REXO5: variants seen among roughly 807,000 people sequenced by gnomAD.
REXO5 encodes exonuclease NEF-sp.
In REXO5, 48 loss-of-function variants were observed where a neutral mutation model predicts 88.5. That is an observed-to-expected ratio of 0.54 (90% CI 0.43 to 0.69). The LOEUF is 0.69. Among genes scored for constraint, REXO5 ranks in the 30% least tolerant of loss-of-function variants. The probability of loss-of-function intolerance (pLI) is 0.00; values close to 1 mark genes in which losing one functional copy is unlikely to be tolerated. For synonymous variants in REXO5, 311 were observed against 336.5 expected (o/e 0.92, Z 0.83); for missense variants, 749 against 912.2 (o/e 0.82, Z 2.30).
chr16:20,819,441 TTCC>T (rs1268729324), intron 5 of REXO5, among the ~76,000 whole-genome samples: 2 of 143,500 alleles, frequency 1.4e-5, no homozygotes, highest in Non-Finnish European at 3.0e-5. Context: ...CTTTCTTTCT[TTCC>T]TCCTTTTTTT....
chr16:20,840,186 A>G (rs2081504544), intron 14 of REXO5, 145 bp from the exon 15 acceptor site: 1 of 660,398 alleles, frequency 1.5e-6, no homozygotes, highest in African/African-American at 1.8e-5. Context: ...TGCTATTACA[A>G]ATAATACTTC....
At chr16:20,812,596 C>T (rs1035097618) in intron 2 of REXO5, among the ~76,000 whole-genome samples, 1 of 152,114 alleles carries the variant, frequency 6.6e-6, no homozygotes, top group African/African-American at 2.4e-5. Context: ...ACTCTTGTTG[C>T]CCAGGGGATA....
intron 12 of REXO5, among the ~76,000 whole-genome samples, chr16:20,832,606 A>G (rs2152507929): frequency 6.6e-6 from 1 of 152,242 alleles, no homozygotes; most frequent in Admixed American, 6.5e-5. Context: ...GCCTTGTTGT[A>G]TTGCCCAGAC....
intron 5 of REXO5, among the ~76,000 whole-genome samples, chr16:20,820,527 TATATATATATATATATA>T (rs777702432): frequency 6.0e-3 from 60 of 9,946 alleles, no homozygotes; most frequent in East Asian, 0.017. Context: ...TATATATATA[TATATATATATATATATA>T]TTTTTTTTTT....
rs1295332499 is a variant in REXO5 at position 20,813,310 on chromosome 16, A to G, written c.251+8A>G. The G allele has an allele frequency of 7.3e-7, 1 of 1,373,732 alleles. No homozygotes were observed. The highest frequency in any genetic ancestry group is 2.3e-5 in the East Asian group (1 of 43,036). The allele number at this position is 1,373,732 out of a possible 1,614,324, so 85.1% of individuals were successfully genotyped here. ...CAATGTTCCAAAACCCAGGTATGAGATGAATTTAAATGGTGGGTATTGACC... is the reference window on the plus strand; with the variant it reads ...CAATGTTCCAAAACCCAGGTATGAGGTGAATTTAAATGGTGGGTATTGACC... On this transcript the variant is annotated splice_region_variant and intron_variant, in intron 3 of 19. Coordinates refer to ENST00000261377, the MANE Select transcript of REXO5 (RefSeq NM_030941.3).
In REXO5 at chr16:20,849,601, A is replaced by G. The variant is rs922263700; in HGVS notation, c.*121A>G. 6.2e-6 allele frequency: 5 copies of G among 805,970 alleles called. No homozygotes were observed. The highest frequency in any genetic ancestry group is 5.2e-5 in the African/African-American group (3 of 58,216). The allele number at this position is 805,970 out of a possible 1,614,324, so 49.9% of individuals were successfully genotyped here. A position where few individuals can be genotyped will look rare whatever the true frequency, so the allele number is the denominator to read the frequency against. Reference sequence around the variant, plus strand: ...TTTATGGAAACTTGGTATAGCAGCTAAAAGAGTTTAGTTTGTTTATATGGC... The same window carrying G: ...TTTATGGAAACTTGGTATAGCAGCTGAAAGAGTTTAGTTTGTTTATATGGC... On this transcript the variant is annotated 3_prime_UTR_variant, in exon 20 of 20. Transcript: ENST00000261377.
At chr16:20,833,670 T>C (rs2081381557) in intron 13 of REXO5, among the ~76,000 whole-genome samples, 1 of 152,218 alleles carries the variant, frequency 6.6e-6, no homozygotes, top group South Asian at 2.1e-4. Context: ...ATTTTATATG[T>C]ACCCTCATGC....
At chr16:20,809,745 T>A (rs1366470108) in intron 2 of REXO5, among the ~76,000 whole-genome samples, 2 of 152,244 alleles carry the variant, frequency 1.3e-5, no homozygotes, top group Non-Finnish European at 2.9e-5. Flanking sequence ...TCATTCTTAT[T>A]TTTTTGAGAC....
intron 9 of REXO5, 43 bp downstream of exon 9, chr16:20,827,239 CT>C (rs777788462): frequency 4.4e-5 from 71 of 1,610,206 alleles, no homozygotes; most frequent in Non-Finnish European, 1.4e-5. Context: ...GTATAAATGC[CT>C]GTTCCATTTA....
chr16:20,815,137 GGCA>G, intron 4 of REXO5, 84 bp downstream of exon 4: 2 of 1,444,028 alleles, frequency 1.4e-6, no homozygotes, highest in Non-Finnish European at 1.9e-6. Context: ...CATGCTCCTT[GGCA>G]ACCTAACTGA....
At chr16:20,807,210 C>G in intron 2 of REXO5, 119 bp downstream of exon 2, 5 of 1,096,780 alleles carry the variant, frequency 4.6e-6, no homozygotes, top group Non-Finnish European at 5.2e-6. Flanking sequence ...CTCTCCGAAC[C>G]TGATCCCTGA....
Position 20,806,663 on chromosome 16 carries a change from G to T in REXO5, c.-45G>T. ...TCGGCAGCACCTTCCTTCTTTGCCA[G>T]GCAGACGCCCGTTGTAGCCGTTGGG... On this transcript the variant is annotated 5_prime_UTR_variant, in exon 1 of 20. It adds an upstream start codon to the 5' untranslated region. Coordinates refer to ENST00000261377, the MANE Select transcript of REXO5 (RefSeq NM_030941.3). The T allele has an allele frequency of 8.9e-7, 1 of 1,120,426 alleles. No homozygotes were observed. Among genetic ancestry groups the T allele is most frequent in the Non-Finnish European group, 1.2e-6 (1 of 815,126 alleles). 69.4% of individuals were successfully genotyped at this position (1,120,426 alleles called of 1,614,324 possible). A position where few individuals can be genotyped will look rare whatever the true frequency, so the allele number is the denominator to read the frequency against.
intron 5 of REXO5, among the ~76,000 whole-genome samples, chr16:20,821,428 A>G (rs981054126): frequency 6.6e-6 from 1 of 152,156 alleles, no homozygotes; most frequent in African/African-American, 2.4e-5. Context: ...CTGGGACTAC[A>G]GGCACCCACC....
Position 20,827,229 on chromosome 16 carries a change from G to T in REXO5, c.960+33G>T, listed in dbSNP as rs1189316880. Reference sequence around the variant, plus strand: ...TCTGATTTAGGACTTTGCATTTTCAGTATAAATGCCTGTTCCATTTATCTC... The same window carrying T: ...TCTGATTTAGGACTTTGCATTTTCATTATAAATGCCTGTTCCATTTATCTC... On this transcript the variant is annotated intron_variant, in intron 9 of 19. Transcript: ENST00000261377. 2.5e-6 allele frequency: 4 copies of T among 1,613,112 alleles called. No homozygotes were observed. In the African/African-American group the frequency reaches 5.3e-5, roughly 22 times the overall value.
intron 6 of REXO5, 25 bp downstream of exon 6, chr16:20,821,927 T>A: frequency 1.3e-6 from 2 of 1,526,374 alleles, no homozygotes; most frequent in Non-Finnish European, 1.8e-6. Context: ...ACTCTGATAT[T>A]GCTAACAATG....
chr16:20,845,391 G>C (rs2081592387), intron 18 of REXO5, 150 bp downstream of exon 18: 2 of 685,606 alleles, frequency 2.9e-6, no homozygotes, highest in Non-Finnish European at 4.8e-6. Context: ...TTTTCTCGCA[G>C]ATCTCTCATA....
chr16:20,812,373 A>G (rs942340406), intron 2 of REXO5, among the ~76,000 whole-genome samples: 1 of 152,040 alleles, frequency 6.6e-6, no homozygotes, highest in African/African-American at 2.4e-5. Context: ...AATACAAAAA[A>G]AATTAGCCAG....
chr16:20,841,927 CTAAAAA>C (rs2081533624), intron 15 of REXO5, among the ~76,000 whole-genome samples: 1 of 152,068 alleles, frequency 6.6e-6, no homozygotes, highest in African/African-American at 2.4e-5. Context: ...TTTTCTATGA[CTAAAAA>C]TAAAAATACA....
Position 20,833,133 on chromosome 16 carries a change from C to T in REXO5, c.1383+10C>T. 6.2e-7 allele frequency: 1 copy of T among 1,611,748 alleles called. No homozygotes were observed. The highest frequency in any genetic ancestry group is 8.5e-7 in the Non-Finnish European group (1 of 1,178,456). On this transcript the variant is annotated intron_variant, in intron 13 of 19. Transcript: ENST00000261377. ...TCTTTCAAATAAAGAGGTGAGTGGC[C>T]TGCTGAACCTTTGCAGGTTATATTC...
Sources: allele counts gnomAD v4.1 joint callset (sites outside exome capture counted in the v4.1 genomes callset), GRCh38; gene constraint gnomAD v4.1.1; transcripts MANE v1.5; gene names NCBI Gene and HGNC (gene_info 2026-07-23, HGNC 2026-07-21).